TSC22D2: variants seen among roughly 807,000 people sequenced by gnomAD.
The protein encoded by TSC22D2 is TSC22 domain family member 2.
A neutral mutation model predicts 50.1 loss-of-function variants in TSC22D2; 5 were observed. The observed-to-expected ratio is 0.10, with a 90% CI of 0.05 to 0.21. The LOEUF is 0.21. Ranked by LOEUF, TSC22D2 falls within the 10% of genes least tolerant of loss-of-function variation. TSC22D2 has a pLI of 1.00. For missense variants in TSC22D2, 1,003 were observed against 1,015.5 expected, an observed-to-expected ratio of 0.99 and a Z score of 0.17; for synonymous variants, 501 against 450.1, an observed-to-expected ratio of 1.11 and a Z score of -1.43.
At chr3:150,456,488 G>A (rs1301930608) in intron 1 of TSC22D2, among the ~76,000 whole-genome samples, 1 of 151,892 alleles carries the variant, frequency 6.6e-6, no homozygotes, top group Non-Finnish European at 1.5e-5. Flanking sequence ...ACGCCCGGCT[G>A]AATGTTGAGT....
chr3:150,418,275 AATG>A (rs1287134453), intron 1 of TSC22D2, among the ~76,000 whole-genome samples: 2 of 151,914 alleles, frequency 1.3e-5, no homozygotes, highest in Admixed American at 6.6e-5. Context: ...TCATCATGAA[AATG>A]ATGATCAGAT....
intron 1 of TSC22D2, among the ~76,000 whole-genome samples, chr3:150,454,649 T>G (rs537084447): frequency 2.7e-4 from 41 of 152,228 alleles, no homozygotes; most frequent in African/African-American, 9.9e-4. Flanking sequence ...ATGCTAAAGT[T>G]TGAGACCCCT....
At chr3:150,413,575 AT>A (rs1453273727) in intron 1 of TSC22D2, among the ~76,000 whole-genome samples, 1 of 147,348 alleles carries the variant, frequency 6.8e-6, no homozygotes, top group Admixed American at 6.7e-5. Flanking sequence ...TTTTTTTTTA[AT>A]AGAAAGCTTT....
At position 150,458,759 on chromosome 3, in the gene TSC22D2, G is replaced by A. The variant is rs1721277120; in HGVS notation, c.*123G>A. The A allele has an allele frequency of 8.0e-7, 1 of 1,257,128 alleles. No individual in the cohort carries two copies. Among genetic ancestry groups the A allele is most frequent in the Middle Eastern group, 1.9e-4 (1 of 5,150 alleles). The allele number at this position is 1,257,128 out of a possible 1,614,324, so 77.9% of individuals were successfully genotyped here. A position where few individuals can be genotyped will look rare whatever the true frequency, so the allele number is the denominator to read the frequency against. ...TTTGGTTGTGTGTTTGGCCTTTTCA[G>A]TATTAGACAATCATTCTACAAGAGC... On this transcript the variant is annotated 3_prime_UTR_variant, in exon 3 of 3. Coordinates refer to ENST00000688009, the MANE Select transcript of TSC22D2 (RefSeq NM_001303264.2).
intron 1 of TSC22D2, among the ~76,000 whole-genome samples, chr3:150,428,511 C>G (rs1305507014): frequency 2.0e-5 from 3 of 150,714 alleles, no homozygotes; most frequent in Non-Finnish European, 3.0e-5. Context: ...ATAAATTTAA[C>G]TGAAACAAAT....
At chr3:150,448,344 G>A (rs1262426921) in intron 1 of TSC22D2, among the ~76,000 whole-genome samples, 3 of 151,954 alleles carry the variant, frequency 2.0e-5, no homozygotes, top group African/African-American at 7.2e-5. Context: ...TGGGAATGGT[G>A]GTGCACACCT....
At chr3:150,456,976 A>G in intron 1 of TSC22D2, 100 bp from the exon 2 acceptor site, 3 of 982,470 alleles carry the variant, frequency 3.1e-6, no homozygotes, top group Non-Finnish European at 4.7e-6. Flanking sequence ...ATTACTGTAT[A>G]TTTGGTTTTA....
rs1249869938 is a variant in TSC22D2 at position 150,464,851 on chromosome 3, G to C, written c.*6215G>C. On this transcript the variant is annotated 3_prime_UTR_variant, in exon 3 of 3. Coordinates refer to ENST00000688009, the MANE Select transcript of TSC22D2 (RefSeq NM_001303264.2). ...CACATTTTTAATACTCTAAGTTGTA[G>C]ATAATGAAATTGATTTAAATCAAAG... 2 of 152,166 alleles carry C rather than the reference G, an allele frequency of 1.3e-5. No homozygotes were observed. Among genetic ancestry groups the C allele is most frequent in the Non-Finnish European group, 2.9e-5 (2 of 68,012 alleles). The allele number at this position is 152,166 out of a possible 1,614,324, so 9.4% of individuals were successfully genotyped here. A position where few individuals can be genotyped will look rare whatever the true frequency, so the allele number is the denominator to read the frequency against.
At chr3:150,414,812 T>C (rs1401615726) in intron 1 of TSC22D2, among the ~76,000 whole-genome samples, 2 of 151,852 alleles carry the variant, frequency 1.3e-5, no homozygotes, top group African/African-American at 2.4e-5. Flanking sequence ...ACCTCTGTTG[T>C]ATGAAAGTCT....
chr3:150,439,100 T>G lies in TSC22D2; in HGVS notation c.1959-17976T>G, dbSNP rs528617721. 2.6e-5 allele frequency among the ~76,000 whole-genome samples: 4 copies of G among 152,272 alleles called. No individual in the cohort carries two copies. The South Asian group carries it at 8.3e-4, about 32-fold the overall frequency. ...TCTCAAGATTATAGTATTTTGCAGA[T>G]GAAGAAAAGGAGTCTGGATTATTTG... On this transcript the variant is annotated intron_variant, in intron 1 of 2. Transcript: ENST00000688009.
chr3:150,425,312 G>A (rs1720144841), intron 1 of TSC22D2, among the ~76,000 whole-genome samples: 1 of 152,114 alleles, frequency 6.6e-6, no homozygotes, highest in South Asian at 2.1e-4. Flanking sequence ...ATCACCTGAG[G>A]TCAGAAGTTC....
intron 1 of TSC22D2, among the ~76,000 whole-genome samples, chr3:150,434,004 G>C (rs995058018): frequency 1.3e-5 from 2 of 152,212 alleles, no homozygotes; most frequent in African/African-American, 4.8e-5. Flanking sequence ...GAACCCACGA[G>C]GTAGAGGTTG....
chr3:150,428,164 C>G (rs1208157513), intron 1 of TSC22D2, among the ~76,000 whole-genome samples: 1 of 151,892 alleles, frequency 6.6e-6, no homozygotes, highest in Non-Finnish European at 1.5e-5. Context: ...AGTAGCAAGT[C>G]TGGTCTTATT....
intron 1 of TSC22D2, among the ~76,000 whole-genome samples, chr3:150,447,893 T>G (rs551281559): frequency 6.6e-6 from 1 of 152,352 alleles, no homozygotes; most frequent in Non-Finnish European, 1.5e-5. Context: ...GCAGGTATTA[T>G]AGTGTCGAGT....
chr3:150,432,882 T>G (rs1389421351), intron 1 of TSC22D2, among the ~76,000 whole-genome samples: 1 of 152,198 alleles, frequency 6.6e-6, no homozygotes, highest in Non-Finnish European at 1.5e-5. Context: ...GATGACTGAC[T>G]CTATTCTAGC....
In TSC22D2 at chr3:150,410,597, G is replaced by T; in HGVS notation, c.1247G>T (p.Gly416Val). Residue 416 changes from glycine to valine, a missense_variant, in exon 1 of 3, where the codon GGC (glycine) becomes GTC (valine). Physicochemically the swap from Gly to Val is moderately radical, Grantham distance 109. Transcript: ENST00000688009. ...GCGGCCACCCTTCCCGTGGGCACCG[G>T]CCAGAATGCTTCCTCGGTGGGCGCG... ...ATAATLPVGT[G>V]QNASSVGAQL... The T allele has an allele frequency of 6.4e-7, 1 of 1,562,384 alleles. No individual in the cohort carries two copies.
chr3:150,453,205 C>G (rs1046212061), intron 1 of TSC22D2, among the ~76,000 whole-genome samples: 1 of 151,906 alleles, frequency 6.6e-6, no homozygotes, highest in African/African-American at 2.4e-5. Flanking sequence ...ACTGGTTAAA[C>G]CATCAAAATA....
At chr3:150,435,261 G>A (rs372982851) in intron 1 of TSC22D2, among the ~76,000 whole-genome samples, 6 of 152,136 alleles carry the variant, frequency 3.9e-5, no homozygotes, top group Non-Finnish European at 7.4e-5. Flanking sequence ...GATTACAGGC[G>A]TGAGCCACTG....
intron 1 of TSC22D2, among the ~76,000 whole-genome samples, chr3:150,442,608 C>T (rs968594708): frequency 6.6e-6 from 1 of 152,162 alleles, no homozygotes; most frequent in Non-Finnish European, 1.5e-5. Context: ...CATTATCTCA[C>T]TGAATCTCAG....
Sources: allele counts gnomAD v4.1 joint callset (sites outside exome capture counted in the v4.1 genomes callset), GRCh38; gene constraint gnomAD v4.1.1; transcripts MANE v1.5; gene names NCBI Gene and HGNC (gene_info 2026-07-23, HGNC 2026-07-21).